Variants in LRRC37A2 observed in about 807,000 individuals in gnomAD.
LRRC37A2 encodes the protein leucine rich repeat containing 37 member A2.
LRRC37A2 carries 9 observed loss-of-function variants against 68.8 expected under a neutral mutation model. The observed-to-expected ratio is 0.13, with a 90% CI of 0.08 to 0.23. The LOEUF (loss-of-function observed/expected upper bound fraction) is 0.23, where lower values mean the gene tolerates loss of function less well. Among genes scored for constraint, LRRC37A2 ranks in the 10% least tolerant of loss-of-function variants. LRRC37A2 has a pLI of 1.00. For missense variants in LRRC37A2, 168 were observed against 950.4 expected (o/e 0.18, Z 10.82); for synonymous variants, 63 against 367.6 (o/e 0.17, Z 9.48).
At chr17:46,846,360 C>T in the LRRC37A2 span, among the ~76,000 whole-genome samples, 1 of 152,228 alleles carries the variant, frequency 6.6e-6, no homozygotes, top group Non-Finnish European at 1.5e-5. Context: ...TGGGCTGAAA[C>T]TCAGTACCAC....
the LRRC37A2 span, among the ~76,000 whole-genome samples, chr17:46,903,254 G>A: frequency 8.6e-5 from 13 of 150,526 alleles, no homozygotes; most frequent in Non-Finnish European, 1.2e-4. Flanking sequence ...GCACTCCAGC[G>A]TGGGCAACAA....
chr17:46,968,567 A>G, the LRRC37A2 span: 1 of 152,582 alleles, frequency 6.6e-6, no homozygotes, highest in Non-Finnish European at 1.5e-5. Context: ...CCTCTCGACA[A>G]ACACAGAGGA....
the LRRC37A2 span, among the ~76,000 whole-genome samples, chr17:46,492,684 GTTTTGTTTTTTTTT>G: frequency 0.11 from 12,728 of 117,038 alleles, no homozygotes; most frequent in Middle Eastern, 0.2. Context: ...TCAGGGTTTT[GTTTTGTTTTTTTTT>G]TTTTTTTTTT....
At chr17:46,977,500 C>T in the LRRC37A2 span, among the ~76,000 whole-genome samples, 18 of 152,264 alleles carry the variant, frequency 1.2e-4, no homozygotes, top group Non-Finnish European at 2.4e-4. Context: ...GTTCTTGCTG[C>T]TCCACACTGC....
chr17:46,931,971 A>G, the LRRC37A2 span: 1 of 1,072,692 alleles, frequency 9.3e-7, no homozygotes, highest in Non-Finnish European at 1.4e-6. Context: ...AGGGAGAAGT[A>G]AGGAAACGCC....
the LRRC37A2 span, among the ~76,000 whole-genome samples, chr17:46,903,674 G>A: frequency 6.6e-6 from 1 of 152,194 alleles, no homozygotes; most frequent in Non-Finnish European, 1.5e-5. Context: ...GTGCTCAACA[G>A]GTGGGCGGAT....
the LRRC37A2 span, among the ~76,000 whole-genome samples, chr17:46,825,999 G>A: frequency 1.8e-4 from 27 of 152,318 alleles, no homozygotes; most frequent in South Asian, 2.1e-4. Context: ...CTCCAGCCTC[G>A]GCAACAAGAG....
At chr17:46,860,230 C>A in the LRRC37A2 span, among the ~76,000 whole-genome samples, 1 of 151,938 alleles carries the variant, frequency 6.6e-6, no homozygotes, top group African/African-American at 2.4e-5. Context: ...TGGCTGAGGA[C>A]GGGAAGGAGG....
the LRRC37A2 span, chr17:46,693,954 TG>T: frequency 4.1e-6 from 1 of 243,712 alleles, no homozygotes; most frequent in Non-Finnish European, 6.2e-6. Flanking sequence ...GGGTGTGTGG[TG>T]GGGGGAGTGG....
the LRRC37A2 span, among the ~76,000 whole-genome samples, chr17:46,864,722 G>C: frequency 5.3e-5 from 8 of 152,102 alleles, no homozygotes; most frequent in Admixed American, 1.3e-4. Flanking sequence ...AAACTGCCAG[G>C]CTTGGTGGAA....
At chr17:46,870,902 T>G in the LRRC37A2 span, among the ~76,000 whole-genome samples, 6 of 144,514 alleles carry the variant, frequency 4.2e-5, no homozygotes, top group East Asian at 1.3e-3. Flanking sequence ...CTTCCACCTT[T>G]GCTTTTTTTT....
chr17:46,534,444 C>G (rs1188634302), intron 6 of LRRC37A2, among the ~76,000 whole-genome samples: 1 of 148,896 alleles, frequency 6.7e-6, no homozygotes, highest in South Asian at 2.1e-4. Context: ...CAAAGCACAT[C>G]TTGCACCGCC....
chr17:46,965,628 T>TTTGTTCTTTG, the LRRC37A2 span, among the ~76,000 whole-genome samples: 67,180 of 151,774 alleles, frequency 0.44, 15,182 homozygotes, highest in South Asian at 0.52. Context: ...ATGCCTTCTC[T>TTTGTTCTTTG]TTCTTTTTTT....
At chr17:46,783,048 A>AGGGGCTAGTTCATTCTCTCAAC in the LRRC37A2 span, among the ~76,000 whole-genome samples, 2 of 152,142 alleles carry the variant, frequency 1.3e-5, no homozygotes, top group Non-Finnish European at 2.9e-5. Flanking sequence ...CCTTGCCATT[A>AGGGGCTAGTTCATTCTCTCAAC]GGGGCTAGTT....
At chr17:46,718,737 ATAATAT>A in the LRRC37A2 span, among the ~76,000 whole-genome samples, 2 of 152,224 alleles carry the variant, frequency 1.3e-5, no homozygotes, top group African/African-American at 4.8e-5. Flanking sequence ...TCAAATGAAG[ATAATAT>A]TAATAGCTGC....
At chr17:46,860,700 C>T in the LRRC37A2 span, among the ~76,000 whole-genome samples, 1 of 152,240 alleles carries the variant, frequency 6.6e-6, no homozygotes, top group Non-Finnish European at 1.5e-5. Flanking sequence ...GTGGTGACAT[C>T]TGTTCCTTCT....
the LRRC37A2 span, chr17:46,967,137 T>G: frequency 6.5e-6 from 1 of 153,836 alleles, no homozygotes; most frequent in Non-Finnish European, 1.4e-5. Context: ...AAGACGGACA[T>G]GAGAACCTAA....
At chr17:46,797,294 G>C in the LRRC37A2 span, among the ~76,000 whole-genome samples, 9 of 152,234 alleles carry the variant, frequency 5.9e-5, no homozygotes, top group Non-Finnish European at 8.8e-5. Flanking sequence ...TGGAAAAGCT[G>C]TTCCAAAAAC....
chr17:46,886,978 G>A, the LRRC37A2 span, among the ~76,000 whole-genome samples: 2 of 152,118 alleles, frequency 1.3e-5, no homozygotes, highest in South Asian at 4.1e-4. Flanking sequence ...CACTATACCT[G>A]GCTAATTTTT....
Sources: allele counts gnomAD v4.1 joint callset (sites outside exome capture counted in the v4.1 genomes callset), GRCh38; gene constraint gnomAD v4.1.1; transcripts MANE v1.5; gene names NCBI Gene and HGNC (gene_info 2026-07-23, HGNC 2026-07-21).